Variants in PAG1 observed in about 807,000 individuals in gnomAD.
PAG1 encodes the protein phosphoprotein membrane anchor with glycosphingolipid microdomains 1, also known as phosphoprotein associated with glycosphingolipid-enriched microdomains 1.
In PAG1, 23 loss-of-function variants were observed where a neutral mutation model predicts 31.7. The ratio of observed to expected loss-of-function variants is 0.73; its 90% CI spans 0.52 to 1.03. The LOEUF (loss-of-function observed/expected upper bound fraction) is 1.03. Ranked by LOEUF, PAG1 falls within the 50% of genes least tolerant of loss-of-function variation. PAG1 has a pLI of 0.00. For missense variants in PAG1, 473 were observed against 540.7 expected (o/e 0.87, Z 1.24); for synonymous variants, 214 against 210.3 (o/e 1.02, Z -0.15).
chr8:81,067,120 C>T (rs1171249725), intron 2 of PAG1, among the ~76,000 whole-genome samples: 1 of 152,150 alleles, frequency 6.6e-6, no homozygotes, highest in Admixed American at 6.5e-5. Flanking sequence ...TATGTCCAGC[C>T]TGGGCCACAA....
chr8:81,021,291 T>C lies in PAG1; in HGVS notation c.-81+8705A>G, dbSNP rs978939351. On this transcript the variant is annotated intron_variant, in intron 3 of 8. Coordinates refer to ENST00000220597, the MANE Select transcript of PAG1 (RefSeq NM_018440.4). ...TCAACTATGGTTTTTAATACGTTAG[T>C]TATAAATGAATTTGCTGTATTTTTT... is the stretch of plus-strand genomic sequence containing the variant. 4.6e-5 allele frequency among the ~76,000 whole-genome samples: 7 copies of C among 152,266 alleles called. 1 individual carries two copies. Among genetic ancestry groups the C allele is most frequent in the Admixed American group, 2.0e-4 (3 of 15,284 alleles).
intron 2 of PAG1, among the ~76,000 whole-genome samples, chr8:81,065,090 G>T (rs575045838): frequency 3.3e-5 from 5 of 152,270 alleles, no homozygotes; most frequent in Admixed American, 6.5e-5. Context: ...AGCTGCTCTT[G>T]GGGGGAGGCG....
intron 3 of PAG1, among the ~76,000 whole-genome samples, chr8:80,996,780 CGTTCT>C (rs1157402782): frequency 6.6e-6 from 1 of 152,038 alleles, no homozygotes; most frequent in African/African-American, 2.4e-5. Flanking sequence ...TGGGGGTCCT[CGTTCT>C]GTTCTTTTGA....
At chr8:81,051,749 C>G (rs1003717747) in intron 2 of PAG1, among the ~76,000 whole-genome samples, 6 of 152,192 alleles carry the variant, frequency 3.9e-5, no homozygotes, top group African/African-American at 1.2e-4. Context: ...AAGTTGCCAT[C>G]AGCAAATACA....
intron 3 of PAG1, among the ~76,000 whole-genome samples, chr8:81,010,290 G>A (rs973671631): frequency 2.6e-5 from 4 of 152,166 alleles, no homozygotes; most frequent in Non-Finnish European, 5.9e-5. Flanking sequence ...CTATTCCAGA[G>A]GGTGGTATCT....
intron 2 of PAG1, among the ~76,000 whole-genome samples, chr8:81,057,789 T>C (rs939923188): frequency 1.3e-5 from 2 of 152,340 alleles, no homozygotes; most frequent in South Asian, 4.1e-4. Context: ...GTATCACTGG[T>C]AAAATGTACT....
intron 1 of PAG1, among the ~76,000 whole-genome samples, chr8:81,084,036 G>GA (rs773112661): frequency 0.092 from 12,686 of 137,406 alleles, 1,189 homozygotes; most frequent in African/African-American, 0.25. Flanking sequence ...CTCCATCTTA[G>GA]AAAAAAAAAA....
At chr8:81,107,714 A>G (rs16908617) in intron 1 of PAG1, among the ~76,000 whole-genome samples, 5,683 of 152,326 alleles carry the variant, frequency 0.037, 369 homozygotes, top group African/African-American at 0.13. Flanking sequence ...AGGACTAGAA[A>G]TGTGGTCATA....
At chr8:81,097,298 T>A (rs923501652) in intron 1 of PAG1, among the ~76,000 whole-genome samples, 24 of 150,976 alleles carry the variant, frequency 1.6e-4, no homozygotes, top group African/African-American at 5.9e-4. Context: ...TGGGGAGGGG[T>A]AGGGGTGGAG....
At chr8:81,033,584 T>C (rs968788768) in intron 2 of PAG1, among the ~76,000 whole-genome samples, 13 of 152,206 alleles carry the variant, frequency 8.5e-5, no homozygotes, top group Non-Finnish European at 1.8e-4. Context: ...ACATATCCTG[T>C]CCATGGAATG....
chr8:81,086,643 C>T (rs1312303826), intron 1 of PAG1, among the ~76,000 whole-genome samples: 1 of 151,896 alleles, frequency 6.6e-6, no homozygotes, highest in Non-Finnish European at 1.5e-5. Context: ...ACATAAACAG[C>T]CCAAACAAAA....
intron 2 of PAG1, among the ~76,000 whole-genome samples, chr8:81,040,166 T>G (rs1442547468): frequency 6.6e-6 from 1 of 152,192 alleles, no homozygotes; most frequent in African/African-American, 2.4e-5. Flanking sequence ...TTTTCAGCCC[T>G]TAGTGTATAA....
At chr8:81,021,667 G>T (rs1414752991) in intron 3 of PAG1, among the ~76,000 whole-genome samples, 3 of 151,720 alleles carry the variant, frequency 2.0e-5, no homozygotes, top group Non-Finnish European at 4.4e-5. Context: ...TAATGTAAAA[G>T]AAAAGGGCAG....
chr8:81,087,016 C>T (rs1809369431), intron 1 of PAG1, among the ~76,000 whole-genome samples: 1 of 152,042 alleles, frequency 6.6e-6, no homozygotes, highest in Admixed American at 6.6e-5. Context: ...TACTCCATGG[C>T]CCACAAGCTA....
chr8:81,067,645 C>T (rs1301869948), intron 2 of PAG1: 1 of 152,234 alleles, frequency 6.6e-6, no homozygotes, highest in Non-Finnish European at 1.5e-5. Context: ...ATTTCCTCAG[C>T]TCTGCAATCA....
At chr8:80,980,537 A>T (rs774498324) in intron 7 of PAG1, 43 bp from the exon 8 acceptor site, 3 of 1,235,508 alleles carry the variant, frequency 2.4e-6, no homozygotes, top group Non-Finnish European at 3.6e-6. Flanking sequence ...TTCAGCGTTA[A>T]CAATCTAACC....
intron 3 of PAG1, among the ~76,000 whole-genome samples, chr8:81,000,875 G>C (rs1807773011): frequency 6.6e-6 from 1 of 152,152 alleles, no homozygotes. Flanking sequence ...CAGCAGGCCT[G>C]TCAACTCCAG....
chr8:80,980,308 T>C, intron 8 of PAG1, 127 bp downstream of exon 8: 1 of 620,526 alleles, frequency 1.6e-6, no homozygotes, highest in Non-Finnish European at 2.8e-6. Flanking sequence ...CAAGTCTTCA[T>C]CTCCAAACAT....
intron 3 of PAG1, among the ~76,000 whole-genome samples, chr8:81,000,606 A>AT (rs879371371): frequency 3.3e-5 from 5 of 152,034 alleles, no homozygotes; most frequent in Admixed American, 1.3e-4. Flanking sequence ...ACGCCTGGTA[A>AT]TTTTTTTGTA....
Sources: gnomAD v4.1 joint callset for allele counts (sites outside exome capture counted in the v4.1 genomes callset) on GRCh38, gnomAD v4.1.1 for gene constraint, MANE v1.5 for transcripts, NCBI Gene and HGNC (gene_info 2026-07-23, HGNC 2026-07-21) for gene names.